Variants in DST observed in about 807,000 individuals in gnomAD.
DST encodes the protein dystonin.
Under a neutral mutation model 875.2 loss-of-function variants are expected in DST, and 253 were observed. The ratio of observed to expected loss-of-function variants is 0.29; its 90% CI spans 0.26 to 0.32. The LOEUF (loss-of-function observed/expected upper bound fraction) is 0.32. Among genes scored for constraint, DST ranks in the 10% least tolerant of loss-of-function variants. The pLI, the probability that DST is intolerant of heterozygous loss-of-function variation, is 1.00. For missense variants in DST, 8,287 were observed against 9,111.6 expected, an observed-to-expected ratio of 0.91 and a Z score of 3.68; for synonymous variants, 3,124 against 3,197.1, an observed-to-expected ratio of 0.98 and a Z score of 0.77.
chr6:56,508,167 G>A (rs2096384973), intron 75 of DST, among the ~76,000 whole-genome samples: 2 of 151,974 alleles, frequency 1.3e-5, no homozygotes, highest in South Asian at 4.2e-4. Context: ...CGAACTAGCT[G>A]GTACTACAGG....
intron 98 of DST, among the ~76,000 whole-genome samples, chr6:56,468,564 G>C (rs2152391337): frequency 6.6e-6 from 1 of 152,282 alleles, no homozygotes; most frequent in African/African-American, 2.4e-5. Flanking sequence ...GTCACTGCCT[G>C]AGGCTGATCC....
At position 56,606,646 on chromosome 6, in the gene DST, A is replaced by G. The variant is rs757228652; in HGVS notation, c.7982T>C (p.Val2661Ala). 3.1e-6 allele frequency: 5 copies of G among 1,613,602 alleles called. No homozygotes were observed. In the Admixed American group the frequency reaches 8.3e-5, roughly 27 times the overall value. Residue 2661 changes from valine to alanine, a missense_variant, in exon 40 of 104, where the codon GTC (valine) becomes GCC (alanine). Coordinates refer to ENST00000680361, the MANE Select transcript of DST (RefSeq NM_001374736.1). ...TASPADVFYD[V>A]SKENENSMVP... ...CATGGAATTTTCATTCTCTTTTGAG[A>G]CATCATAAAAAACATCAGCAGGAGA... is the stretch of plus-strand genomic sequence containing the variant.
intron 5 of DST, among the ~76,000 whole-genome samples, chr6:56,723,963 AC>A (rs1419604723): frequency 6.6e-6 from 1 of 152,148 alleles, no homozygotes; most frequent in Non-Finnish European, 1.5e-5. Context: ...TGATTTGAAA[AC>A]TGCTGTTTCC....
At position 56,766,322 on chromosome 6, in the gene DST, A is replaced by G. The variant is rs545176140; in HGVS notation, c.626-31033T>C. On this transcript the variant is annotated intron_variant, in intron 4 of 103. Coordinates refer to ENST00000680361, the MANE Select transcript of DST (RefSeq NM_001374736.1). ...TGTGACCACTGTTCACTGACAATGCATTCTTTCAACAAGTAGTTTCTGAGC... is the reference window on the plus strand; with the variant it reads ...TGTGACCACTGTTCACTGACAATGCGTTCTTTCAACAAGTAGTTTCTGAGC... Among the ~76,000 whole-genome samples the G allele has an allele frequency of 9.2e-5, 14 of 152,296 alleles. No individual in the cohort carries two copies. The South Asian group carries it at 2.3e-3, about 25-fold the overall frequency.
intron 3 of DST, among the ~76,000 whole-genome samples, chr6:56,878,151 A>T (rs757039395): frequency 1.3e-5 from 2 of 152,072 alleles, no homozygotes; most frequent in Non-Finnish European, 2.9e-5. Flanking sequence ...GCCCATCACC[A>T]CTCTAAGAGG....
intron 68 of DST, 35 bp downstream of exon 68, chr6:56,527,458 A>G (rs1194513275): frequency 6.2e-7 from 1 of 1,601,088 alleles, no homozygotes; most frequent in East Asian, 2.2e-5. Flanking sequence ...CTAAAAGATA[A>G]AAGACTAATC....
At chr6:56,640,753 T>C (rs750015350) in intron 17 of DST, 148 bp from the exon 18 acceptor site, 5 of 704,648 alleles carry the variant, frequency 7.1e-6, no homozygotes, top group Non-Finnish European at 1.3e-5. Context: ...TAATGCAAGA[T>C]GTAAATAACA....
At chr6:56,615,410 T>C in intron 36 of DST, 9 of 1,568,490 alleles carry the variant, frequency 5.7e-6, no homozygotes, top group Non-Finnish European at 7.8e-6. Flanking sequence ...AAATAGAGTA[T>C]GTTACATAAT....
Position 56,509,672 on chromosome 6 carries a change from C to G in DST, c.18982G>C (p.Gly6328Arg). Reference protein sequence around the residue: ...QRGEEMIARSGGTDKDISAKA... With the variant: ...QRGEEMIARSRGTDKDISAKA... ...GCAGATATGTCTTTATCAGTCCCCC[C>G]AGATCTAGCAATCATTTCCTCTCCC... Residue 6328 changes from glycine (G) to arginine (R), a missense_variant, in exon 74 of 104, where the codon GGG becomes CGG. This residue lies in a region of DST where 1,292 missense variants were observed against 1,552.7 expected (regional missense o/e 0.83). Transcript: ENST00000680361. 6.2e-7 allele frequency: 1 copy of G among 1,613,596 alleles called. No homozygotes were observed. The highest frequency in any genetic ancestry group is 8.5e-7 in the Non-Finnish European group (1 of 1,179,628).
rs114072680 is a variant in DST, at chr6:56,881,985, G to A, written c.417+18436C>T. ...CCTCTCAGTTAAAACTCCAAAAGCT[G>A]AATGAACACAGAAATCCACTTTAAA... On this transcript the variant is annotated intron_variant, in intron 3 of 103. Transcript: ENST00000680361. 9.1e-3 allele frequency among the ~76,000 whole-genome samples: 1,384 copies of A among 152,258 alleles called. 23 individuals are homozygous for A. The highest frequency in any genetic ancestry group is 0.031 in the African/African-American group (1,298 of 41,544).
intron 31 of DST, among the ~76,000 whole-genome samples, chr6:56,629,787 A>C (rs2098762518): frequency 6.6e-6 from 1 of 152,216 alleles, no homozygotes; most frequent in Admixed American, 6.5e-5. Flanking sequence ...GTTAAAAAGA[A>C]ATACATGCAT....
intron 69 of DST, among the ~76,000 whole-genome samples, chr6:56,518,949 C>T (rs1311447032): frequency 6.6e-6 from 1 of 152,102 alleles, no homozygotes; most frequent in African/African-American, 2.4e-5. Flanking sequence ...CAACACTATG[C>T]CAACTCATGG....
At chr6:56,909,713 T>C (rs1332416990) in intron 2 of DST, among the ~76,000 whole-genome samples, 2 of 152,230 alleles carry the variant, frequency 1.3e-5, no homozygotes, top group East Asian at 3.8e-4. Flanking sequence ...AAGTCTGGGA[T>C]AGGGCTAAGA....
intron 2 of DST, among the ~76,000 whole-genome samples, chr6:56,924,151 GAATA>G (rs1199113917): frequency 6.6e-6 from 1 of 152,008 alleles, no homozygotes; most frequent in African/African-American, 2.4e-5. Flanking sequence ...GAAACACCTA[GAATA>G]AATGTCTGAC....
intron 9 of DST, among the ~76,000 whole-genome samples, chr6:56,672,196 G>C (rs1281931601): frequency 1.3e-5 from 2 of 152,188 alleles, no homozygotes; most frequent in African/African-American, 4.8e-5. Flanking sequence ...GGGCAGGAAG[G>C]CTGTGGCAGT....
In DST at chr6:56,458,169, C is replaced by A. The variant is rs1482023995; in HGVS notation, c.*836G>T. Reference sequence around the variant, plus strand: ...CATTTTTAAGTATCTTTTGGTCACTCCAAATTGATATTGCTCATAAAAAAA... The same window carrying A: ...CATTTTTAAGTATCTTTTGGTCACTACAAATTGATATTGCTCATAAAAAAA... On this transcript the variant is annotated 3_prime_UTR_variant, in exon 104 of 104. Transcript: ENST00000680361. 6.6e-6 allele frequency: 1 copy of A among 152,430 alleles called. No individual in the cohort carries two copies. The highest frequency in any genetic ancestry group is 1.5e-5 in the Non-Finnish European group (1 of 68,004). The allele number at this position is 152,430 out of a possible 1,614,324, so 9.4% of individuals were successfully genotyped here.
rs774162551 is a variant in DST, at chr6:56,620,705, C to T, written c.4929+3825G>A. 1.1e-5 allele frequency: 17 copies of T among 1,613,712 alleles called. No individual in the cohort carries two copies. Among genetic ancestry groups the T allele is most frequent in the South Asian group, 3.3e-5 (3 of 91,076 alleles). On this transcript the variant is annotated intron_variant, in intron 36 of 103. Coordinates refer to ENST00000680361, the MANE Select transcript of DST (RefSeq NM_001374736.1). ...TGCCCCATGTTCAGAAGTCTCCTTACACCTTTTAATCTACAAAAGACATTT... is the reference window on the plus strand; with the variant it reads ...TGCCCCATGTTCAGAAGTCTCCTTATACCTTTTAATCTACAAAAGACATTT...
intron 2 of DST, among the ~76,000 whole-genome samples, chr6:56,905,614 A>G (rs1388793730): frequency 6.7e-6 from 1 of 150,100 alleles, no homozygotes; most frequent in Non-Finnish European, 1.5e-5. Context: ...GCTGAGTACT[A>G]TTCCATTGTA....
chr6:56,601,237 GGA>G (rs1358601495), intron 44 of DST, among the ~76,000 whole-genome samples: 3 of 151,912 alleles, frequency 2.0e-5, no homozygotes, highest in African/African-American at 7.2e-5. Context: ...AGTATTTTTG[GGA>G]GTCACAAAAA....
Sources: allele counts gnomAD v4.1 joint callset (sites outside exome capture counted in the v4.1 genomes callset), GRCh38; gene constraint gnomAD v4.1.1; regional missense constraint gnomAD v4.1.1; transcripts MANE v1.5; gene names NCBI Gene and HGNC (gene_info 2026-07-23, HGNC 2026-07-21).